The following SPECC1 variants were observed in gnomAD, a reference collection of about 807,000 sequenced individuals.
SPECC1 encodes sperm antigen with calponin homology and coiled-coil domains 1, also known as cytospin-B.
Under a neutral mutation model 104.1 loss-of-function variants are expected in SPECC1, and 62 were observed. The observed-to-expected ratio is 0.60, with a 90% confidence interval of 0.49 to 0.74. The LOEUF (loss-of-function observed/expected upper bound fraction) is 0.74. Ranked by LOEUF, SPECC1 falls within the 30% of genes least tolerant of loss-of-function variation. SPECC1 has a pLI of 0.00. For missense variants in SPECC1, 1,306 were observed against 1,310.5 expected (o/e 1.00, Z 0.05); for synonymous variants, 513 against 501.6 (o/e 1.02, Z -0.30).
At chr17:20,076,134 C>A (rs1245905175) in intron 1 of SPECC1, among the ~76,000 whole-genome samples, 2 of 152,114 alleles carry the variant, frequency 1.3e-5, no homozygotes, top group Non-Finnish European at 2.9e-5. Flanking sequence ...TTATATATTT[C>A]TTTCTACCTG....
intron 3 of SPECC1, among the ~76,000 whole-genome samples, chr17:20,159,483 G>A (rs1410823614): frequency 6.6e-6 from 1 of 152,232 alleles, no homozygotes; most frequent in East Asian, 1.9e-4. Flanking sequence ...CCCCATCTGA[G>A]ACCCGCTGTA....
rs2041934068 is a variant in SPECC1 at position 20,311,519 on chromosome 17, T to G, written c.3118-2457T>G. Among the ~76,000 whole-genome samples, 4 of 152,186 alleles carry G rather than the reference T, an allele frequency of 2.6e-5. No homozygotes were observed. The South Asian group carries it at 8.3e-4, about 32-fold the overall frequency. On this transcript the variant is annotated intron_variant, in intron 14 of 14. Transcript: ENST00000395527. ...GATTCTCCTGTCTCAGCCTCCTGAG[T>G]AACTGGGATTATAGACACCTGTCAC...
At chr17:20,117,361 C>G (rs1470782249) in intron 3 of SPECC1, among the ~76,000 whole-genome samples, 1 of 151,858 alleles carries the variant, frequency 6.6e-6, no homozygotes, top group South Asian at 2.1e-4. Context: ...GGAACAGACA[C>G]AGAAGCCATA....
intron 12 of SPECC1, among the ~76,000 whole-genome samples, chr17:20,271,354 C>A (rs187503550): frequency 6.6e-6 from 1 of 152,136 alleles, no homozygotes. Context: ...TCCCACCCCC[C>A]CCATGCTTCC....
chr17:20,012,970 C>A (rs1278156625), intron 1 of SPECC1, among the ~76,000 whole-genome samples: 1 of 152,220 alleles, frequency 6.6e-6, no homozygotes, highest in Non-Finnish European at 1.5e-5. Context: ...CTTTTTATAA[C>A]TGGCTTATTT....
chr17:20,028,559 A>ATATG (rs1261714428), intron 1 of SPECC1, among the ~76,000 whole-genome samples: 2 of 149,982 alleles, frequency 1.3e-5, no homozygotes, highest in Non-Finnish European at 2.9e-5. Context: ...TATTCCATTG[A>ATATG]TATGTATGTA....
intron 1 of SPECC1, among the ~76,000 whole-genome samples, chr17:20,060,457 G>T (rs1327779413): frequency 6.6e-6 from 1 of 151,844 alleles, no homozygotes; most frequent in African/African-American, 2.4e-5. Flanking sequence ...GACCAGCCCG[G>T]GTAACACAGT....
intron 1 of SPECC1, among the ~76,000 whole-genome samples, chr17:20,073,258 T>G (rs1162282821): frequency 6.6e-6 from 1 of 152,042 alleles, no homozygotes; most frequent in Non-Finnish European, 1.5e-5. Flanking sequence ...TGGTGGGGCG[T>G]GGCTGAAGCT....
chr17:20,231,710 A>T, intron 5 of SPECC1, 48 bp from the exon 6 acceptor site: 1 of 1,574,302 alleles, frequency 6.4e-7, no homozygotes, highest in Non-Finnish European at 8.7e-7. Context: ...GTCTTCTCTT[A>T]AGAGTCTCAC....
chr17:20,194,530 CAG>C (rs772534198), intron 3 of SPECC1, among the ~76,000 whole-genome samples: 902 of 42,036 alleles, frequency 0.021, 6 homozygotes, highest in Middle Eastern at 0.047. Context: ...TTTTTTGAGA[CAG>C]AGTCTTGCTC....
chr17:20,013,954 G>A (rs2044029925), intron 1 of SPECC1, among the ~76,000 whole-genome samples: 2 of 152,212 alleles, frequency 1.3e-5, no homozygotes, highest in Non-Finnish European at 2.9e-5. Flanking sequence ...CTTTTGTTGA[G>A]TGAGTGTGTG....
intron 1 of SPECC1, among the ~76,000 whole-genome samples, chr17:20,011,489 T>TA (rs1411912073): frequency 6.6e-6 from 1 of 152,146 alleles, no homozygotes; most frequent in Admixed American, 6.5e-5. Context: ...CTCTTTCTGA[T>TA]ACAGTACTTT....
At chr17:20,075,264 A>G (rs1381189338) in intron 1 of SPECC1, among the ~76,000 whole-genome samples, 1 of 152,102 alleles carries the variant, frequency 6.6e-6, no homozygotes, top group Non-Finnish European at 1.5e-5. Context: ...GTACAACATC[A>G]TCTCATTTGA....
intron 3 of SPECC1, among the ~76,000 whole-genome samples, chr17:20,185,835 TTTTA>T (rs1213905495): frequency 6.6e-6 from 1 of 152,130 alleles, no homozygotes; most frequent in Non-Finnish European, 1.5e-5. Flanking sequence ...TGTTTTGTAT[TTTTA>T]TTTATTTATT....
chr17:20,039,579 A>T (rs1251439987), intron 1 of SPECC1, among the ~76,000 whole-genome samples: 2 of 152,122 alleles, frequency 1.3e-5, no homozygotes, highest in Non-Finnish European at 2.9e-5. Flanking sequence ...TTTTCAACTG[A>T]GGTGGAGTCT....
At chr17:20,116,118 C>T (rs950793099) in intron 3 of SPECC1, among the ~76,000 whole-genome samples, 19 of 152,056 alleles carry the variant, frequency 1.2e-4, no homozygotes, top group Admixed American at 8.5e-4. Flanking sequence ...GATGGAGTCT[C>T]GGTCTGTCGC....
intron 3 of SPECC1, among the ~76,000 whole-genome samples, chr17:20,199,801 A>AT (rs2036293532): frequency 6.8e-6 from 1 of 147,236 alleles, no homozygotes; most frequent in African/African-American, 2.6e-5. Context: ...ATTTTATTTT[A>AT]TTTTTTGAGA....
At chr17:20,206,671 A>G (rs1262835556) in intron 4 of SPECC1, among the ~76,000 whole-genome samples, 1 of 152,188 alleles carries the variant, frequency 6.6e-6, no homozygotes, top group East Asian at 1.9e-4. Context: ...TATTATAAAT[A>G]CTTTTTTATA....
chr17:20,031,197 G>A (rs1357400864), intron 1 of SPECC1, among the ~76,000 whole-genome samples: 1 of 152,172 alleles, frequency 6.6e-6, no homozygotes, highest in African/African-American at 2.4e-5. Flanking sequence ...GTTTTGCCAT[G>A]TTGGCCAGGC....
Sources: gnomAD v4.1 joint callset for allele counts (sites outside exome capture counted in the v4.1 genomes callset) on GRCh38, gnomAD v4.1.1 for gene constraint, MANE v1.5 for transcripts, NCBI Gene and HGNC (gene_info 2026-07-23, HGNC 2026-07-21) for gene names.